Variants in TRIM5 observed in about 807,000 individuals in gnomAD.
TRIM5 encodes the protein tripartite motif containing 5.
A neutral mutation model predicts 35.6 loss-of-function variants in TRIM5; 31 were observed. The ratio of observed to expected loss-of-function variants is 0.87; its 90% confidence interval spans 0.65 to 1.18. The LOEUF (loss-of-function observed/expected upper bound fraction) is 1.18. Ranked by LOEUF, TRIM5 falls within the 50% of genes most tolerant of loss-of-function variation. TRIM5 has a pLI of 0.00. For synonymous variants in TRIM5, 243 were observed against 215.6 expected, an observed-to-expected ratio of 1.13 and a Z score of -1.11; for missense variants, 609 against 591.6, an observed-to-expected ratio of 1.03 and a Z score of -0.31.
the TRIM5 span, chr11:5,610,558 T>C: frequency 1.2e-6 from 2 of 1,613,436 alleles, no homozygotes; most frequent in Non-Finnish European, 1.7e-6. Context: ...CCAAAGCTAC[T>C]GGGGTAAGTA....
At chr11:5,652,093 G>T in the TRIM5 span, among the ~76,000 whole-genome samples, 5 of 152,026 alleles carry the variant, frequency 3.3e-5, no homozygotes, top group Admixed American at 3.3e-4. Context: ...CATTTTGTAG[G>T]TTGTGTATTT....
chr11:5,623,173 C>A, the TRIM5 span, among the ~76,000 whole-genome samples: 3 of 145,786 alleles, frequency 2.1e-5, no homozygotes, highest in African/African-American at 5.1e-5. Flanking sequence ...GCCAGGTTTG[C>A]CCTAACCAGT....
chr11:5,609,872 G>A, the TRIM5 span, among the ~76,000 whole-genome samples: 2 of 152,076 alleles, frequency 1.3e-5, no homozygotes, highest in Non-Finnish European at 2.9e-5. Flanking sequence ...GCAGTGAGCC[G>A]AGATCGTGCC....
At chr11:5,641,021 C>T in the TRIM5 span, 1 of 1,115,674 alleles carries the variant, frequency 9.0e-7, no homozygotes, top group East Asian at 2.7e-5. Context: ...CTTGGTGTGT[C>T]TAGCTAAATG....
the TRIM5 span, among the ~76,000 whole-genome samples, chr11:5,644,824 G>A: frequency 6.8e-4 from 103 of 152,286 alleles, 1 homozygote; most frequent in African/African-American, 2.5e-3. Context: ...GTAATCCCCA[G>A]TGTTGGAGGT....
chr11:5,634,530 C>CACAT, the TRIM5 span: 437 of 259,910 alleles, frequency 1.7e-3, 1 homozygote, highest in African/African-American at 7.6e-3. Context: ...CACACACACA[C>CACAT]ATATATATAT....
the TRIM5 span, chr11:5,603,512 A>G: frequency 1.2e-6 from 2 of 1,614,050 alleles, no homozygotes; most frequent in Non-Finnish European, 1.7e-6. Context: ...CAGCCAGGGA[A>G]CCTGCGGCCT....
the TRIM5 span, chr11:5,633,963 C>T: frequency 6.4e-7 from 1 of 1,567,172 alleles, no homozygotes; most frequent in Non-Finnish European, 8.7e-7. Flanking sequence ...TCCAAGGAGG[C>T]CTCGTCCTTT....
intron 1 of TRIM5, among the ~76,000 whole-genome samples, chr11:5,683,227 A>C (rs1852666412): frequency 6.6e-6 from 1 of 152,096 alleles, no homozygotes; most frequent in Non-Finnish European, 1.5e-5. Context: ...GTCCCTGACG[A>C]GCACCGCCCC....
the TRIM5 span, chr11:5,603,793 G>A: frequency 6.9e-6 from 11 of 1,583,372 alleles, no homozygotes; most frequent in East Asian, 2.2e-5. Context: ...AGGTTTTAAC[G>A]TTTTATCATG....
At chr11:5,622,788 T>C in the TRIM5 span, among the ~76,000 whole-genome samples, 11 of 152,268 alleles carry the variant, frequency 7.2e-5, no homozygotes, top group African/African-American at 1.2e-4. Flanking sequence ...AATGAAAGAG[T>C]ATCTGAGAAA....
At chr11:5,656,213 A>G in the TRIM5 span, among the ~76,000 whole-genome samples, 2 of 152,226 alleles carry the variant, frequency 1.3e-5, no homozygotes, top group African/African-American at 4.8e-5. Context: ...CAGAGTGAAC[A>G]GGCAACCTAC....
the TRIM5 span, among the ~76,000 whole-genome samples, chr11:5,629,931 C>T: frequency 2.6e-5 from 4 of 152,148 alleles, no homozygotes; most frequent in Non-Finnish European, 5.9e-5. Context: ...TGGTCTTGAT[C>T]TCCTTACCTC....
intron 3 of TRIM5, 72 bp from the exon 4 acceptor site, chr11:5,678,506 T>C: frequency 7.6e-7 from 1 of 1,310,592 alleles, no homozygotes. Context: ...AAAGGAGCTG[T>C]TTCTTTTGGG....
At chr11:5,669,494 C>G (rs1171131554) in intron 4 of TRIM5, among the ~76,000 whole-genome samples, 4 of 152,148 alleles carry the variant, frequency 2.6e-5, no homozygotes, top group Non-Finnish European at 5.9e-5. Context: ...ATGCCAGACA[C>G]AATTTTTCCA....
At chr11:5,610,629 A>C in the TRIM5 span, 1 of 1,583,742 alleles carries the variant, frequency 6.3e-7, no homozygotes, top group Non-Finnish European at 8.6e-7. Flanking sequence ...CTCCCCAGAC[A>C]TAGCCACACA....
chr11:5,608,228 C>G, the TRIM5 span: 26 of 1,237,010 alleles, frequency 2.1e-5, no homozygotes, highest in African/African-American at 3.8e-4. Context: ...ACAGTCTGCC[C>G]TGAGTTTTTT....
At chr11:5,598,384 TTC>T in the TRIM5 span, among the ~76,000 whole-genome samples, 2 of 152,216 alleles carry the variant, frequency 1.3e-5, no homozygotes, top group African/African-American at 4.8e-5. Context: ...TCAAGAATTT[TTC>T]TCTGTCTAAA....
At chr11:5,654,856 A>T in the TRIM5 span, among the ~76,000 whole-genome samples, 1 of 152,156 alleles carries the variant, frequency 6.6e-6, no homozygotes, top group Non-Finnish European at 1.5e-5. Context: ...GCAGAATTTC[A>T]TTATGTACCA....
Sources: allele counts gnomAD v4.1 joint callset (sites outside exome capture counted in the v4.1 genomes callset), GRCh38; gene constraint gnomAD v4.1.1; transcripts MANE v1.5; gene names NCBI Gene and HGNC (gene_info 2026-07-23, HGNC 2026-07-21).